The following RFX5 variants were observed in gnomAD, a reference collection of about 807,000 sequenced individuals.
The protein encoded by RFX5 is regulatory factor X5.
RFX5 carries 30 observed loss-of-function variants against 41.2 expected under a neutral mutation model. The observed-to-expected ratio is 0.73, with a 90% CI of 0.54 to 0.99. The LOEUF is 0.99. Ranked by LOEUF, RFX5 falls within the 50% of genes least tolerant of loss-of-function variation. RFX5 has a pLI of 0.00. For missense variants in RFX5, 715 were observed against 773.6 expected, an observed-to-expected ratio of 0.92 and a Z score of 0.90; for synonymous variants, 231 against 291.8, an observed-to-expected ratio of 0.79 and a Z score of 2.12.
Position 151,343,088 on chromosome 1 carries a change from C to T in RFX5, c.949G>A (p.Ala317Thr). The T allele has an allele frequency of 6.2e-7, 1 of 1,613,222 alleles. No homozygotes were observed. The highest frequency in any genetic ancestry group is 1.1e-5 in the South Asian group (1 of 91,062). ...KSVVESSAPG[A>T]NNLQVNALVA... The stretch of plus-strand genomic sequence containing the variant: ...AGGGCATTAACCTGCAGGTTATTGG[C>T]TCCTGGGGCCGAGCTCTCAACTACA... Residue 317 changes from alanine (A) to threonine (T), a missense_variant, in exon 11 of 11, where the codon GCC becomes ACC. Coordinates refer to ENST00000452671, the MANE Select transcript of RFX5 (RefSeq NM_001025603.2).
In RFX5 at chr1:151,342,174, C is replaced by T. The variant is rs1650496465; in HGVS notation, c.*12G>A. 2.5e-6 allele frequency: 4 copies of T among 1,614,082 alleles called. No homozygotes were observed. The highest frequency in any genetic ancestry group is 3.4e-6 in the Non-Finnish European group (4 of 1,180,046). ...ACGTAGGGATATAAACACTCTTCCC[C>T]ACAGACCTGTATCATGGGGGTGTTG... On this transcript the variant is annotated 3_prime_UTR_variant, in exon 11 of 11. Transcript: ENST00000452671.
chr1:151,346,622 TA>T lies in RFX5; in HGVS notation c.-131-17del. On this transcript the variant is annotated splice_polypyrimidine_tract_variant and intron_variant, in intron 1 of 10. Transcript: ENST00000452671. ...ATCTGGAAAACTGTAAAGGAAGAGATAGGGGGATTGGGAATCCATGTTAGCA... is the reference window on the plus strand; with the variant it reads ...ATCTGGAAAACTGTAAAGGAAGAGATGGGGGATTGGGAATCCATGTTAGCA... The T allele has an allele frequency of 2.7e-6, 1 of 369,378 alleles. No individual in the cohort carries two copies. The highest frequency in any genetic ancestry group is 5.1e-6 in the Non-Finnish European group (1 of 196,552). The allele number at this position is 369,378 out of a possible 1,614,324, so 22.9% of individuals were successfully genotyped here.
Position 151,345,172 on chromosome 1 carries a change from A to T in RFX5, c.167T>A (p.Phe56Tyr). 1 of 1,613,886 alleles carries T rather than the reference A, an allele frequency of 6.2e-7. No individual in the cohort carries two copies. The highest frequency in any genetic ancestry group is 8.5e-7 in the Non-Finnish European group (1 of 1,179,810). ...VEGILQDVQK[F>Y]SDNDKLYLYL... Reference sequence around the variant, plus strand: ...GAGATACAGCTTGTCATTGTCAGAAAATTTCTGTACATCTTGCTGAGGTAG... The same window carrying T: ...GAGATACAGCTTGTCATTGTCAGAATATTTCTGTACATCTTGCTGAGGTAG... The change falls in exon 5 of 11, where the codon TTT becomes TAT. Residue 56 changes from phenylalanine (F) to tyrosine (Y), a missense_variant. Transcript: ENST00000452671.
chr1:151,344,094 T>C (rs1334114579), intron 8 of RFX5, 103 bp downstream of exon 8: 3 of 1,226,914 alleles, frequency 2.4e-6, no homozygotes, highest in Non-Finnish European at 3.6e-6. Flanking sequence ...CTAGAAGCTA[T>C]GTACATAATG....
intron 4 of RFX5, 47 bp downstream of exon 4, chr1:151,345,881 C>G (rs1650997517): frequency 6.2e-7 from 1 of 1,612,976 alleles, no homozygotes; most frequent in Admixed American, 1.7e-5. Flanking sequence ...CATCCTCCTC[C>G]CTCAGCATTT....
chr1:151,343,743 T>C lies in RFX5; in HGVS notation c.695A>G (p.Gln232Arg), dbSNP rs1650733072. The change falls in exon 9 of 11, where the codon CAG becomes CGG. Residue 232 changes from glutamine (Q) to arginine (R), a missense_variant. Transcript: ENST00000452671. ...SIVEVARFLL[Q>R]QHLISARSAH... ...AGATCGGGCAGAGATGAGATGCTGC[T>C]GTAGCAGGAAGCGGGCGACCTCAAC... 3 of 1,613,958 alleles carry C rather than the reference T, an allele frequency of 1.9e-6. No individual in the cohort carries two copies. Among genetic ancestry groups the C allele is most frequent in the South Asian group, 2.2e-5 (2 of 91,086 alleles).
In RFX5 at chr1:151,341,897, C is replaced by T. The variant is rs1650468293; in HGVS notation, c.*289G>A. ...TGATTTAAAACCAAAAGATCCCTAACCTATATATTCATCATACTTAGCCCA... is the reference window on the plus strand; with the variant it reads ...TGATTTAAAACCAAAAGATCCCTAATCTATATATTCATCATACTTAGCCCA... On this transcript the variant is annotated 3_prime_UTR_variant, in exon 11 of 11. Transcript: ENST00000452671. The T allele has an allele frequency of 3.4e-6, 2 of 589,304 alleles. No individual in the cohort carries two copies. Among genetic ancestry groups the T allele is most frequent in the South Asian group, 1.7e-5 (1 of 59,084 alleles). 36.5% of individuals were successfully genotyped at this position (589,304 alleles called of 1,614,324 possible).
intron 8 of RFX5, 39 bp downstream of exon 8, chr1:151,344,158 G>T: frequency 6.3e-7 from 1 of 1,597,920 alleles, no homozygotes; most frequent in Non-Finnish European, 8.6e-7. Flanking sequence ...CTTTTACCTG[G>T]GAGAGAAGAG....
chr1:151,343,121 T>C lies in RFX5; in HGVS notation c.916A>G (p.Lys306Glu). 1 of 1,612,540 alleles carries C rather than the reference T, an allele frequency of 6.2e-7. No homozygotes were observed. Among genetic ancestry groups the C allele is most frequent in the Non-Finnish European group, 8.5e-7 (1 of 1,180,024 alleles). Reference sequence around the variant, plus strand: ...GCCGAGCTCTCAACTACACTCTTCTTCCGCTCTCCACGTGCGAGAGGACCG... The same window carrying C: ...GCCGAGCTCTCAACTACACTCTTCTCCCGCTCTCCACGTGCGAGAGGACCG... ...GAGPLARGER[K>E]KSVVESSAPG... The change falls in exon 11 of 11, where the codon AAG becomes GAG. Residue 306 changes from lysine (K) to glutamate (E), a missense_variant. Lys to Glu is a moderately conservative substitution (Grantham distance 56). Transcript: ENST00000452671.
At chr1:151,344,665 T>C (rs1650839587) in intron 6 of RFX5, 63 bp downstream of exon 6, 2 of 1,560,574 alleles carry the variant, frequency 1.3e-6, no homozygotes, top group Admixed American at 1.9e-5. Context: ...AGGAAGCTCT[T>C]CATGGGTGAG....
intron 9 of RFX5, 93 bp downstream of exon 9, chr1:151,343,588 C>A: frequency 6.8e-7 from 1 of 1,470,296 alleles, no homozygotes; most frequent in Non-Finnish European, 9.4e-7. Context: ...GAAGAGGGGG[C>A]AAATCCAAGG....
Position 151,342,751 on chromosome 1 carries a change from C to A in RFX5, c.1286G>T (p.Gly429Val). 1 of 1,614,184 alleles carries A rather than the reference C, an allele frequency of 6.2e-7. No individual in the cohort carries two copies. Among genetic ancestry groups the A allele is most frequent in the Non-Finnish European group, 8.5e-7 (1 of 1,180,000 alleles). Residue 429 changes from glycine to valine, a missense_variant, in exon 11 of 11, where the codon GGT becomes GTT. Gly to Val is a moderately radical substitution (Grantham distance 109). Transcript: ENST00000452671. ...IGGDQGPHDK[G>V]VKRTAEVPVS... Reference sequence around the variant, plus strand: ...AGGTACTTCAGCTGTCCTCTTGACACCCTTGTCATGTGGTCCTTGGTCACC... The same window carrying A: ...AGGTACTTCAGCTGTCCTCTTGACAACCTTGTCATGTGGTCCTTGGTCACC...
chr1:151,344,819 C>A lies in RFX5; in HGVS notation c.262G>T (p.Glu88Ter). 2 of 1,610,202 alleles carry A rather than the reference C, an allele frequency of 1.2e-6. No individual in the cohort carries two copies. Among genetic ancestry groups the A allele is most frequent in the East Asian group, 2.2e-5 (1 of 44,586 alleles). The change falls in exon 6 of 11, where the codon GAG becomes TAG. Residue 88 changes from glutamate to a stop codon, truncating the protein, a stop_gained. Coordinates refer to ENST00000452671, the MANE Select transcript of RFX5 (RefSeq NM_001025603.2). LOFTEE classifies it high-confidence loss of function. ...ATCCACCTATAGGCATACATGTACTCCTCATTGCTCAGTGTACTTGGCTCT... is the reference window on the plus strand; with the variant it reads ...ATCCACCTATAGGCATACATGTACTACTCATTGCTCAGTGTACTTGGCTCT... Reference protein sequence around the residue: ...SSEPSTLSNEEYMYAYRWIRN... With the variant: ...SSEPSTLSNE
intron 6 of RFX5, 60 bp from the exon 7 acceptor site, chr1:151,344,596 G>C (rs984359551): frequency 3.7e-5 from 59 of 1,612,520 alleles, no homozygotes; most frequent in Middle Eastern, 1.7e-4. Flanking sequence ...GGGTAGGCTC[G>C]AAGAGTCCCT....
rs750225103 is a variant in RFX5, at chr1:151,344,297, C to G, written c.474-19G>C. On this transcript the variant is annotated intron_variant, in intron 7 of 10. Coordinates refer to ENST00000452671, the MANE Select transcript of RFX5 (RefSeq NM_001025603.2). ...GCAATATCTGATGCAAGTTAAAGAGCAGCCAACACATGGCGATCTCCAAGC... is the reference window on the plus strand; with the variant it reads ...GCAATATCTGATGCAAGTTAAAGAGGAGCCAACACATGGCGATCTCCAAGC... The G allele has an allele frequency of 4.3e-6, 7 of 1,613,984 alleles. No homozygotes were observed. In the South Asian group the frequency reaches 6.6e-5, roughly 15 times the overall value.
intron 4 of RFX5, chr1:151,345,405 C>A (rs750490179): frequency 2.0e-5 from 9 of 459,456 alleles, no homozygotes; most frequent in Non-Finnish European, 3.6e-5. Flanking sequence ...GTCAGGAGAT[C>A]GAGACCATCC....
chr1:151,340,879 T>C lies in RFX5; in HGVS notation c.*1307A>G, dbSNP rs1442570040. 2.0e-5 allele frequency: 3 copies of C among 152,594 alleles called. No individual in the cohort carries two copies. The highest frequency in any genetic ancestry group is 2.9e-5 in the Non-Finnish European group (2 of 68,024). The allele number at this position is 152,594 out of a possible 1,614,324, so 9.5% of individuals were successfully genotyped here. A position where few individuals can be genotyped will look rare whatever the true frequency, so the allele number is the denominator to read the frequency against. ...AAGCTACCCTATGTAGAGGACAAAG[T>C]AGGTCTTCAATAAATATTAGTTGGT... On this transcript the variant is annotated 3_prime_UTR_variant, in exon 11 of 11. Coordinates refer to ENST00000452671, the MANE Select transcript of RFX5 (RefSeq NM_001025603.2).
At chr1:151,346,745 T>C (rs1651098935) in intron 1 of RFX5, 139 bp from the exon 2 acceptor site, 1 of 228,098 alleles carries the variant, frequency 4.4e-6, no homozygotes, top group Non-Finnish European at 9.0e-6. Flanking sequence ...TTCTCAAAAA[T>C]ACTCCTCACC....
chr1:151,345,129 T>C lies in RFX5; in HGVS notation c.210A>G (p.Ser70=), dbSNP rs779939577. ...DKLYLYLQLP[S]GPTTGDKSSE... ...ACCTTTTGTCTCCAGTGGTGGGTCC[T>C]GAGGGGAGCTGAAGGTAGAGATACA... Residue 70 remains serine (S), a synonymous_variant, in exon 5 of 11, where the codon TCA becomes TCG. Coordinates refer to ENST00000452671, the MANE Select transcript of RFX5 (RefSeq NM_001025603.2). The C allele has an allele frequency of 1.9e-6, 3 of 1,613,926 alleles. No individual in the cohort carries two copies. The highest frequency in any genetic ancestry group is 3.3e-4 in the Middle Eastern group (2 of 6,084).
Sources: allele counts gnomAD v4.1 joint callset, GRCh38; gene constraint gnomAD v4.1.1; transcripts MANE v1.5; gene names NCBI Gene and HGNC (gene_info 2026-07-23, HGNC 2026-07-21).